MED9: variants seen among roughly 807,000 people sequenced by gnomAD.
MED9 encodes mediator complex subunit 9, also known as mediator of RNA polymerase II transcription subunit 9.
A neutral mutation model predicts 13.2 loss-of-function variants in MED9; 8 were observed. The ratio of observed to expected loss-of-function variants is 0.61; its 90% CI spans 0.36 to 1.10. The LOEUF (loss-of-function observed/expected upper bound fraction) is 1.10. MED9 is among the 50% of genes least tolerant of loss of function. MED9 has a pLI of 0.02. For synonymous variants in MED9, 87 were observed against 82.8 expected (o/e 1.05, Z -0.28); for missense variants, 180 against 193.4 (o/e 0.93, Z 0.41).
chr17:17,485,270 C>CA (rs201356998), intron 1 of MED9: 150 of 395,220 alleles, frequency 3.8e-4, no homozygotes, highest in African/African-American at 2.4e-3. Flanking sequence ...TGTAAAAATA[C>CA]AAAAAAAAAT....
At chr17:17,477,350 T>C in intron 1 of MED9, 85 bp downstream of exon 1, 7 of 1,407,880 alleles carry the variant, frequency 5.0e-6, no homozygotes, top group Non-Finnish European at 6.6e-6. Flanking sequence ...GCCTTGGCGC[T>C]CTGGGGCACG....
intron 1 of MED9, among the ~76,000 whole-genome samples, chr17:17,477,906 C>G (rs138993609): frequency 7.9e-5 from 12 of 152,312 alleles, no homozygotes; most frequent in African/African-American, 2.9e-4. Context: ...TTTTGGCCAG[C>G]CTTCAGGGTA....
Position 17,477,056 on chromosome 17 carries a change from G to A in MED9, c.15G>A (p.Gly5=), listed in dbSNP as rs778963066. The change falls in exon 1 of 2, where the codon GGG becomes GGA. Residue 5 remains glycine (G), a synonymous_variant. Coordinates refer to ENST00000268711, the MANE Select transcript of MED9 (RefSeq NM_018019.3). MASA[G]VAAGRQAEDV... ...CCCCCGGAGCCATGGCCTCTGCTGG[G>A]GTGGCAGCCGGGCGACAGGCGGAGG... 1.2e-6 allele frequency: 2 copies of A among 1,606,268 alleles called. No individual in the cohort carries two copies. The highest frequency in any genetic ancestry group is 2.2e-5 in the East Asian group (1 of 44,840).
At chr17:17,488,321 G>C (rs1905172288) in intron 1 of MED9, 2 of 152,188 alleles carry the variant, frequency 1.3e-5, no homozygotes, top group Admixed American at 1.3e-4. Context: ...CTGTGTCAGT[G>C]GTTCTAGCAG....
intron 1 of MED9, chr17:17,477,566 CT>C: frequency 2.7e-6 from 1 of 364,248 alleles, no homozygotes. Flanking sequence ...AATTAAATCT[CT>C]TTAAGCCTCA....
At position 17,491,300 on chromosome 17, in the gene MED9, G is replaced by A. The variant is rs766327359; in HGVS notation, c.246G>A (p.Glu82=). The change falls in exon 2 of 2, where the codon GAG becomes GAA. Residue 82 remains glutamate, a synonymous_variant. Transcript: ENST00000268711. The stretch of plus-strand genomic sequence containing the variant: ...ACAGCATGGACAAGGACAGCCCGGA[G>A]GTCCACCAGGACCTGAACGCCCTCA... ...IIKCMDKDSP[E]VHQDLNALKS... is the part of the protein sequence containing the mutation. 6 of 1,613,652 alleles carry A rather than the reference G, an allele frequency of 3.7e-6. No homozygotes were observed. Among genetic ancestry groups the A allele is most frequent in the East Asian group, 4.5e-5 (2 of 44,880 alleles).
chr17:17,477,458 C>T (rs931751785), intron 1 of MED9, 193 bp downstream of exon 1: 2 of 597,566 alleles, frequency 3.3e-6, no homozygotes, highest in Non-Finnish European at 5.7e-6. Context: ...CGATTTGAGC[C>T]TCGAGAGGTG....
Position 17,492,929 on chromosome 17 carries a change from G to A in MED9, c.*1434G>A, listed in dbSNP as rs934547079. ...AGAAAAGAAGGCTCTGGATTTAAGC[G>A]GGTGGTCACCTGTGAGACCAGGTCT... On this transcript the variant is annotated 3_prime_UTR_variant, in exon 2 of 2. Coordinates refer to ENST00000268711, the MANE Select transcript of MED9 (RefSeq NM_018019.3). The A allele has an allele frequency of 2.6e-5, 4 of 152,356 alleles. No homozygotes were observed. The East Asian group carries it at 5.8e-4, about 22-fold the overall frequency. 9.4% of individuals were successfully genotyped at this position (152,356 alleles called of 1,614,324 possible).
chr17:17,492,078 T>TA lies in MED9; in HGVS notation c.*583_*584insA, dbSNP rs1905246665. 2 of 157,850 alleles carry TA rather than the reference T, an allele frequency of 1.3e-5. No homozygotes were observed. Among genetic ancestry groups the TA allele is most frequent in the Non-Finnish European group, 2.8e-5 (2 of 71,170 alleles). The allele number at this position is 157,850 out of a possible 1,614,324, so 9.8% of individuals were successfully genotyped here. On this transcript the variant is annotated 3_prime_UTR_variant, in exon 2 of 2. Coordinates refer to ENST00000268711, the MANE Select transcript of MED9 (RefSeq NM_018019.3). The stretch of plus-strand genomic sequence containing the variant: ...TTTTCCCCAAACAGTTTGGTTCCTT[T>TA]TATGTTTGAGCCAGTGAAGGGAACT...
chr17:17,490,887 A>G (rs1157945759), intron 1 of MED9, among the ~76,000 whole-genome samples: 1 of 152,236 alleles, frequency 6.6e-6, no homozygotes, highest in Admixed American at 6.5e-5. Context: ...TTGAACCAAC[A>G]TGTTCATGAG....
chr17:17,492,465 C>A lies in MED9; in HGVS notation c.*970C>A, dbSNP rs190313522. On this transcript the variant is annotated 3_prime_UTR_variant, in exon 2 of 2. Coordinates refer to ENST00000268711, the MANE Select transcript of MED9 (RefSeq NM_018019.3). ...GCACCTTGTGTTGAGAGAGAGGCAA[C>A]CCTGGGGGCCAGTTCAGGTGGTCCC... 2 of 151,682 alleles carry A rather than the reference C, an allele frequency of 1.3e-5. No homozygotes were observed. The highest frequency in any genetic ancestry group is 4.9e-5 in the African/African-American group (2 of 40,894). The allele number at this position is 151,682 out of a possible 1,614,324, so 9.4% of individuals were successfully genotyped here.
rs147636121 is a variant in MED9 at position 17,477,161 on chromosome 17, G to C, written c.120G>C (p.Ala40=). 3 of 1,609,522 alleles carry C rather than the reference G, an allele frequency of 1.9e-6. No individual in the cohort carries two copies. The African/African-American group carries it at 4.0e-5, about 21-fold the overall frequency. ...LPPPQPPPVP[A]PQPQQSPAPR... is the part of the protein sequence containing the mutation. ...CTCCTCAGCCGCCGCCGGTCCCTGC[G>C]CCTCAACCGCAGCAGTCGCCGGCGC... The change falls in exon 1 of 2, where the codon GCG becomes GCC. Residue 40 remains alanine (A), a synonymous_variant. Coordinates refer to ENST00000268711, the MANE Select transcript of MED9 (RefSeq NM_018019.3).
In MED9 at chr17:17,488,395, A is replaced by AG. The variant is rs527397530; in HGVS notation, c.225-2881dup. The AG allele has an allele frequency of 6.9e-4, 105 of 152,392 alleles. 1 individual carries two copies. Among genetic ancestry groups the AG allele is most frequent in the Middle Eastern group, 3.4e-3 (1 of 296 alleles). The allele number at this position is 152,392 out of a possible 1,614,324, so 9.4% of individuals were successfully genotyped here. On this transcript the variant is annotated intron_variant, in intron 1 of 1. Transcript: ENST00000268711. ...GCTAAAAAGAAGAACAAAGAAAATC[A>AG]GGGCATGATTCTCAGACACCTGCCT...
At chr17:17,480,649 C>A (rs1381054933) in intron 1 of MED9, among the ~76,000 whole-genome samples, 1 of 151,816 alleles carries the variant, frequency 6.6e-6, no homozygotes, top group African/African-American at 2.4e-5. Context: ...TAGACTCTGT[C>A]TCAAAGAAGA....
At position 17,491,495 on chromosome 17, in the gene MED9, G is replaced by A. The variant is rs763828029; in HGVS notation, c.441G>A (p.Ter147=). The A allele has an allele frequency of 6.2e-7, 1 of 1,606,998 alleles. No individual in the cohort carries two copies. Among genetic ancestry groups the A allele is most frequent in the Non-Finnish European group, 8.5e-7 (1 of 1,173,860 alleles). ...GCATGTTCGAAATCCCCAAGGAGTA[G>A]AGTGAGGCTGACTTCCTTAGAAAGA... ...SLCMFEIPKE[*] Residue 147 remains the stop codon, a stop_retained_variant, in exon 2 of 2, where the codon TAG becomes TAA. Coordinates refer to ENST00000268711, the MANE Select transcript of MED9 (RefSeq NM_018019.3).
intron 1 of MED9, among the ~76,000 whole-genome samples, chr17:17,479,756 T>C (rs1904997537): frequency 6.6e-6 from 1 of 152,046 alleles, no homozygotes; most frequent in Non-Finnish European, 1.5e-5. Flanking sequence ...TGAACCCAGA[T>C]CATGCCACTG....
rs1905222777 is a variant in MED9 at position 17,491,345 on chromosome 17, G to T, written c.291G>T (p.Met97Ile). 6.2e-7 allele frequency: 1 copy of T among 1,614,028 alleles called. No individual in the cohort carries two copies. The highest frequency in any genetic ancestry group is 1.3e-5 in the African/African-American group (1 of 75,046). Residue 97 changes from methionine to isoleucine, a missense_variant, in exon 2 of 2, where the codon ATG becomes ATT. Physicochemically the swap from Met to Ile is conservative, Grantham distance 10. Coordinates refer to ENST00000268711, the MANE Select transcript of MED9 (RefSeq NM_018019.3). ...CCCTCAAAAGCAAGTTCCAGGAGAT[G>T]CGCAAGCTCATCAGCACCATGCCCG... Reference protein sequence around the residue: ...LNALKSKFQEMRKLISTMPGI... With the variant: ...LNALKSKFQEIRKLISTMPGI...
intron 1 of MED9, chr17:17,487,113 G>A (rs376414771): frequency 3.9e-5 from 6 of 152,282 alleles, no homozygotes; most frequent in African/African-American, 1.4e-4. Flanking sequence ...GTGGGGCCTT[G>A]GAGAACCTGT....
At chr17:17,488,640 C>G (rs1225690553) in intron 1 of MED9, among the ~76,000 whole-genome samples, 1 of 152,162 alleles carries the variant, frequency 6.6e-6, no homozygotes, top group Non-Finnish European at 1.5e-5. Context: ...TCGAGACCAG[C>G]CTGGCCAACG....
Sources: gnomAD v4.1 joint callset for allele counts (sites outside exome capture counted in the v4.1 genomes callset) on GRCh38, gnomAD v4.1.1 for gene constraint, MANE v1.5 for transcripts, NCBI Gene and HGNC (gene_info 2026-07-23, HGNC 2026-07-21) for gene names.